AAK1: variants seen among roughly 807,000 people sequenced by gnomAD.
The protein encoded by AAK1 is AP2-associated protein kinase 1.
In AAK1, 37 loss-of-function variants were observed where a neutral mutation model predicts 116.0. The ratio of observed to expected loss-of-function variants is 0.32; its 90% CI spans 0.25 to 0.42. AAK1 has a LOEUF of 0.42. Among genes scored for constraint, AAK1 ranks in the 10% least tolerant of loss-of-function variants. The probability of loss-of-function intolerance (pLI) is 1.00; values close to 1 mark genes in which losing one functional copy is unlikely to be tolerated. For synonymous variants in AAK1, 458 were observed against 439.9 expected, an observed-to-expected ratio of 1.04 and a Z score of -0.51; for missense variants, 919 against 1,170.6, an observed-to-expected ratio of 0.79 and a Z score of 3.14.
intron 2 of AAK1, among the ~76,000 whole-genome samples, chr2:69,557,247 C>T (rs1671421873): frequency 6.6e-6 from 1 of 151,318 alleles, no homozygotes; most frequent in Non-Finnish European, 1.5e-5. Flanking sequence ...TCCAAATAAC[C>T]TACAAATAAA....
chr2:69,475,615 T>C lies in AAK1; in HGVS notation c.*254A>G. 8.0e-7 allele frequency: 1 copy of C among 1,254,804 alleles called. No homozygotes were observed. The highest frequency in any genetic ancestry group is 1.0e-6 in the Non-Finnish European group (1 of 993,936). The allele number at this position is 1,254,804 out of a possible 1,614,324, so 77.7% of individuals were successfully genotyped here. On this transcript the variant is annotated 3_prime_UTR_variant, in exon 22 of 22. Coordinates refer to ENST00000409085, the MANE Select transcript of AAK1 (RefSeq NM_014911.5). ...ATGGCATCTAGTGCTTGATTTAAGA[T>C]AATGCTATTGAAGAAGGGTAATGAG...
chr2:69,511,601 T>A (rs553489337), intron 13 of AAK1, among the ~76,000 whole-genome samples: 1 of 152,272 alleles, frequency 6.6e-6, no homozygotes, highest in South Asian at 2.1e-4. Context: ...TCATGAGACA[T>A]TCATTAATCT....
At chr2:69,524,809 C>T (rs1418265886) in intron 10 of AAK1, among the ~76,000 whole-genome samples, 1 of 152,206 alleles carries the variant, frequency 6.6e-6, no homozygotes, top group Non-Finnish European at 1.5e-5. Flanking sequence ...AAGAAAACAG[C>T]TTCAGAGTTC....
In AAK1 at chr2:69,519,592, C is replaced by G. The variant is rs1215029190; in HGVS notation, c.1211-352G>C. 3.3e-5 allele frequency among the ~76,000 whole-genome samples: 5 copies of G among 152,318 alleles called. No homozygotes were observed. The East Asian group carries it at 7.7e-4, about 24-fold the overall frequency. The stretch of plus-strand genomic sequence containing the variant: ...CACAAGCTTTGCCCCTCTTGGCATG[C>G]AGCATGACAACATCATTCCCTGGTG... On this transcript the variant is annotated intron_variant, in intron 11 of 21. Coordinates refer to ENST00000409085, the MANE Select transcript of AAK1 (RefSeq NM_014911.5).
At chr2:69,613,633 A>G (rs1176716977) in intron 2 of AAK1, among the ~76,000 whole-genome samples, 1 of 152,244 alleles carries the variant, frequency 6.6e-6, no homozygotes, top group African/African-American at 2.4e-5. Context: ...TAAAGCCTCC[A>G]TAAAAACCCT....
At chr2:69,486,556 C>T (rs147236177) in intron 17 of AAK1, among the ~76,000 whole-genome samples, 3 of 152,250 alleles carry the variant, frequency 2.0e-5, no homozygotes, top group Non-Finnish European at 4.4e-5. Context: ...GTAAGGTGGA[C>T]AGCTGTGCGA....
At chr2:69,633,989 G>A (rs902584681) in intron 2 of AAK1, among the ~76,000 whole-genome samples, 1 of 152,164 alleles carries the variant, frequency 6.6e-6, no homozygotes, top group Non-Finnish European at 1.5e-5. Flanking sequence ...GGCTAACATG[G>A]TGAAACCCTA....
chr2:69,593,482 G>C (rs1163381929), intron 2 of AAK1, among the ~76,000 whole-genome samples: 2 of 151,026 alleles, frequency 1.3e-5, no homozygotes, highest in African/African-American at 4.9e-5. Flanking sequence ...CATAAATTTG[G>C]TATATATATT....
chr2:69,587,271 A>G (rs984409585), intron 2 of AAK1, among the ~76,000 whole-genome samples: 11 of 149,870 alleles, frequency 7.3e-5, no homozygotes, highest in African/African-American at 2.5e-4. Context: ...ACACATGTGT[A>G]TATATACACA....
At chr2:69,610,471 CA>C in intron 2 of AAK1, among the ~76,000 whole-genome samples, 1 of 152,258 alleles carries the variant, frequency 6.6e-6, no homozygotes, top group East Asian at 1.9e-4. Context: ...ATACCAAAGG[CA>C]CAGGCAACAA....
chr2:69,595,985 GAAC>G (rs1418474152), intron 2 of AAK1, among the ~76,000 whole-genome samples: 6 of 152,146 alleles, frequency 3.9e-5, no homozygotes, highest in Admixed American at 2.6e-4. Context: ...TCTATAAATG[GAAC>G]AACAAGGCCT....
chr2:69,576,847 C>G (rs754697565), intron 2 of AAK1, among the ~76,000 whole-genome samples: 4 of 152,114 alleles, frequency 2.6e-5, no homozygotes, highest in Non-Finnish European at 4.4e-5. Context: ...CCTTAGATAG[C>G]GGTCTGAAAA....
intron 17 of AAK1, among the ~76,000 whole-genome samples, chr2:69,492,171 TAA>T (rs920712152): frequency 2.6e-5 from 4 of 152,076 alleles, no homozygotes; most frequent in African/African-American, 9.7e-5. Context: ...ATAAAAAAGT[TAA>T]AAGTCATTGA....
Position 69,518,960 on chromosome 2 carries a change from A to T in AAK1, c.1491T>A (p.Thr497=). 6.5e-7 allele frequency: 1 copy of T among 1,544,262 alleles called. No homozygotes were observed. Among genetic ancestry groups the T allele is most frequent in the Non-Finnish European group, 8.7e-7 (1 of 1,143,512 alleles). The part of the protein sequence containing the change: ...GTFYQQQQAQ[T]QQFQAVHPAT... ...CACACTCTGACCACCTTACCTGCTG[A>T]GTCTGGGCCTGCTGCTGCTGGTAAA... The change falls in exon 12 of 22, where the codon ACT becomes ACA. Residue 497 remains threonine (T), a synonymous_variant. Transcript: ENST00000409085.
At position 69,530,710 on chromosome 2, in the gene AAK1, C is replaced by T; in HGVS notation, c.657-4G>A. On this transcript the variant is annotated splice_polypyrimidine_tract_variant and splice_region_variant and intron_variant, in intron 6 of 21. Transcript: ENST00000409085. ...TCGATAGGACAGCGTTGTGTATCTA[C>T]AATCAAGAGATTCATTTTTTATTAA... The T allele has an allele frequency of 1.2e-6, 2 of 1,606,450 alleles. No homozygotes were observed.
At chr2:69,624,201 C>T (rs1201213124) in intron 2 of AAK1, among the ~76,000 whole-genome samples, 1 of 152,172 alleles carries the variant, frequency 6.6e-6, no homozygotes, top group East Asian at 1.9e-4. Flanking sequence ...ATAAGCATAT[C>T]TTTTGATCCA....
At chr2:69,625,828 A>G (rs1223095089) in intron 2 of AAK1, among the ~76,000 whole-genome samples, 1 of 152,222 alleles carries the variant, frequency 6.6e-6, no homozygotes, top group Admixed American at 6.5e-5. Flanking sequence ...TGGGCTCTTC[A>G]TAAGACCAGG....
chr2:69,587,526 C>T (rs1374829986), intron 2 of AAK1, among the ~76,000 whole-genome samples: 2 of 151,264 alleles, frequency 1.3e-5, no homozygotes, highest in South Asian at 2.1e-4. Flanking sequence ...AGTGCAGTGG[C>T]GGGATCTCGG....
intron 5 of AAK1, among the ~76,000 whole-genome samples, chr2:69,534,146 T>A (rs1670367504): frequency 6.6e-6 from 1 of 152,206 alleles, no homozygotes; most frequent in African/African-American, 2.4e-5. Context: ...TCCCACTACA[T>A]CCTCATAATC....
Sources: gnomAD v4.1 joint callset for allele counts (sites outside exome capture counted in the v4.1 genomes callset) on GRCh38, gnomAD v4.1.1 for gene constraint, MANE v1.5 for transcripts, NCBI Gene and HGNC (gene_info 2026-07-23, HGNC 2026-07-21) for gene names.